The following COG5 variants were observed in gnomAD, a reference collection of about 807,000 sequenced individuals.
COG5 encodes component of oligomeric golgi complex 5, also known as conserved oligomeric Golgi complex subunit 5.
In COG5, 86 loss-of-function variants were observed where a neutral mutation model predicts 110.4. The ratio of observed to expected loss-of-function variants is 0.78; its 90% CI spans 0.65 to 0.93. The LOEUF (loss-of-function observed/expected upper bound fraction) is 0.93, where lower values mean the gene tolerates loss of function less well. COG5 is among the 40% of genes least tolerant of loss of function. COG5 has a pLI of 0.00. For synonymous variants in COG5, 360 were observed against 334.6 expected (o/e 1.08, Z -0.83); for missense variants, 1,077 against 987.0 (o/e 1.09, Z -1.22).
chr7:107,245,784 C>T (rs1293031875), intron 17 of COG5, among the ~76,000 whole-genome samples: 1 of 152,202 alleles, frequency 6.6e-6, no homozygotes, highest in African/African-American at 2.4e-5. Context: ...AATGGCTATA[C>T]TGCCCAAAGC....
chr7:107,296,008 G>T (rs747308194), intron 12 of COG5, among the ~76,000 whole-genome samples: 1 of 151,998 alleles, frequency 6.6e-6, no homozygotes, highest in African/African-American at 2.4e-5. Flanking sequence ...GGCCAGACTG[G>T]TCTCGAACTC....
At chr7:107,417,509 C>T (rs1360181080) in intron 6 of COG5, among the ~76,000 whole-genome samples, 2 of 152,060 alleles carry the variant, frequency 1.3e-5, no homozygotes, top group Admixed American at 6.6e-5. Flanking sequence ...TAAATGACTA[C>T]TTTAAACATC....
intron 6 of COG5, among the ~76,000 whole-genome samples, chr7:107,445,310 G>T (rs775717533): frequency 4.6e-5 from 7 of 152,130 alleles, no homozygotes; most frequent in Non-Finnish European, 8.8e-5. Flanking sequence ...CATTTCTAAA[G>T]GTTTAAGTAA....
chr7:107,210,536 G>C lies in COG5; in HGVS notation c.2365C>G (p.Leu789Val), dbSNP rs1187004720. 3 of 1,599,464 alleles carry C rather than the reference G, an allele frequency of 1.9e-6. No individual in the cohort carries two copies. Among genetic ancestry groups the C allele is most frequent in the Non-Finnish European group, 2.6e-6 (3 of 1,173,072 alleles). ...AGCACCTGGCTTTACCTGATGAGGA[G>C]GAGCCTGTCCTTTTCAGATGGATGG... ...DDHPSEKDRL[L>V]LIRGALEAYV... is the part of the protein sequence containing the mutation. The change falls in exon 21 of 22, where the codon CTC becomes GTC. Residue 789 changes from leucine to valine, a missense_variant. Leu to Val is a conservative substitution (Grantham distance 32, BLOSUM62 1). Transcript: ENST00000297135.
intron 6 of COG5, among the ~76,000 whole-genome samples, chr7:107,443,580 A>C (rs1035859252): frequency 1.3e-5 from 2 of 152,188 alleles, no homozygotes; most frequent in African/African-American, 4.8e-5. Flanking sequence ...CTCTAATGTA[A>C]TGAAGTATTA....
intron 6 of COG5, among the ~76,000 whole-genome samples, chr7:107,521,341 A>G (rs759814579): frequency 6.6e-6 from 1 of 152,224 alleles, no homozygotes; most frequent in Non-Finnish European, 1.5e-5. Context: ...AGAAACTATC[A>G]TCAGACTGAA....
chr7:107,501,796 C>T (rs992040970), intron 6 of COG5, among the ~76,000 whole-genome samples: 4 of 152,100 alleles, frequency 2.6e-5, no homozygotes, highest in Non-Finnish European at 5.9e-5. Context: ...CTGGTGGTGG[C>T]TGAACCCAGT....
intron 1 of COG5, among the ~76,000 whole-genome samples, chr7:107,560,790 A>C (rs1483823989): frequency 6.6e-6 from 1 of 152,258 alleles, no homozygotes; most frequent in South Asian, 2.1e-4. Context: ...AGAAATGTCC[A>C]TACAGGTTAT....
intron 6 of COG5, among the ~76,000 whole-genome samples, chr7:107,440,928 C>A (rs1794667058): frequency 6.6e-6 from 1 of 152,066 alleles, no homozygotes; most frequent in Non-Finnish European, 1.5e-5. Flanking sequence ...AAGTTAAGCA[C>A]TTTTCTGAGC....
Position 107,258,364 on chromosome 7 carries a change from GC to G in COG5, c.1594del (p.Ala532GlnfsTer4). ...AGTAAGAGGCCCAATCACCTGACTTGCATCTCCTTGTGTGGAGAGCTGTAAG... is the reference window on the plus strand; with the variant it reads ...AGTAAGAGGCCCAATCACCTGACTTGATCTCCTTGTGTGGAGAGCTGTAAG... ...SEQLLSTQGD[A>X]SQVIGPLTEG... is the part of the protein sequence containing the mutation. On this transcript the variant is annotated frameshift_variant, in exon 15 of 22. Coordinates refer to ENST00000297135, the MANE Select transcript of COG5 (RefSeq NM_006348.5). LOFTEE classifies it high-confidence loss of function. 6.2e-7 allele frequency: 1 copy of G among 1,608,218 alleles called. No individual in the cohort carries two copies. The highest frequency in any genetic ancestry group is 1.1e-5 in the South Asian group (1 of 90,958).
At chr7:107,550,931 T>C (rs1802842249) in intron 3 of COG5, among the ~76,000 whole-genome samples, 1 of 152,034 alleles carries the variant, frequency 6.6e-6, no homozygotes, top group South Asian at 2.1e-4. Context: ...AGAACATAGT[T>C]CCAAAAGGAC....
At chr7:107,556,512 G>A (rs1262443539) in intron 2 of COG5, among the ~76,000 whole-genome samples, 1 of 152,112 alleles carries the variant, frequency 6.6e-6, no homozygotes, top group Non-Finnish European at 1.5e-5. Context: ...AAAATACCAA[G>A]CATAAAAGGA....
At chr7:107,357,917 C>A (rs1325303913) in intron 10 of COG5, among the ~76,000 whole-genome samples, 2 of 152,186 alleles carry the variant, frequency 1.3e-5, no homozygotes, top group Non-Finnish European at 2.9e-5. Flanking sequence ...GATTCTCTCA[C>A]CTCAGTCTCC....
intron 6 of COG5, among the ~76,000 whole-genome samples, chr7:107,467,409 G>T (rs1796357725): frequency 6.6e-6 from 1 of 152,066 alleles, no homozygotes; most frequent in Non-Finnish European, 1.5e-5. Context: ...AGGCTGGAGG[G>T]GTAGCGGTGC....
chr7:107,208,816 G>A (rs1798953013), intron 21 of COG5: 13 of 985,448 alleles, frequency 1.3e-5, no homozygotes, highest in Non-Finnish European at 1.6e-5. Flanking sequence ...GAGGGCTCAG[G>A]GTCACTTCTG....
chr7:107,244,956 C>G (rs903065167), intron 17 of COG5, among the ~76,000 whole-genome samples: 3 of 152,110 alleles, frequency 2.0e-5, no homozygotes, highest in African/African-American at 7.2e-5. Context: ...TTCTATGAGG[C>G]CAGCATCATC....
chr7:107,229,439 C>T (rs2116390303), intron 19 of COG5, among the ~76,000 whole-genome samples: 1 of 152,248 alleles, frequency 6.6e-6, no homozygotes, highest in African/African-American at 2.4e-5. Flanking sequence ...CAGAGCAAGA[C>T]TCCATCTCAA....
At chr7:107,326,070 A>ATGG (rs1809739161) in intron 10 of COG5, among the ~76,000 whole-genome samples, 8 of 152,242 alleles carry the variant, frequency 5.3e-5, no homozygotes, top group Admixed American at 5.2e-4. Flanking sequence ...GGTCGTCTCA[A>ATGG]TTAATGCAGA....
chr7:107,279,638 T>C (rs1216649082), intron 14 of COG5, among the ~76,000 whole-genome samples: 4 of 152,142 alleles, frequency 2.6e-5, no homozygotes, highest in Non-Finnish European at 4.4e-5. Context: ...CTTAAGACAT[T>C]AGTCAATAAT....
Sources: gnomAD v4.1 joint callset for allele counts (sites outside exome capture counted in the v4.1 genomes callset) on GRCh38, gnomAD v4.1.1 for gene constraint, MANE v1.5 for transcripts, NCBI Gene and HGNC (gene_info 2026-07-23, HGNC 2026-07-21) for gene names.